The following DYNC2H1 variants were observed in gnomAD, a reference collection of about 807,000 sequenced individuals.
The protein encoded by DYNC2H1 is cytoplasmic dynein 2 heavy chain 1.
In DYNC2H1, 410 loss-of-function variants were observed where a neutral mutation model predicts 570.0. That is an observed-to-expected ratio of 0.72 (90% CI 0.66 to 0.78). The LOEUF (loss-of-function observed/expected upper bound fraction) is 0.78, where lower values mean the gene tolerates loss of function less well. DYNC2H1 is among the 30% of genes least tolerant of loss of function. DYNC2H1 has a pLI of 0.00. For missense variants in DYNC2H1, 4,865 were observed against 5,046.4 expected (o/e 0.96, Z 1.09); for synonymous variants, 1,688 against 1,677.6 (o/e 1.01, Z -0.15).
At chr11:103,400,980 A>C (rs548433867) in intron 84 of DYNC2H1, among the ~76,000 whole-genome samples, 2 of 152,196 alleles carry the variant, frequency 1.3e-5, no homozygotes, top group African/African-American at 2.4e-5. Flanking sequence ...GATTGTAACT[A>C]AGTTGTTTTT....
intron 83 of DYNC2H1, among the ~76,000 whole-genome samples, chr11:103,394,747 C>T (rs1020861869): frequency 6.6e-5 from 10 of 151,946 alleles, no homozygotes; most frequent in African/African-American, 2.2e-4. Context: ...AAAGTAATTG[C>T]GATGTGGATA....
chr11:103,479,040 ATC>A lies in DYNC2H1; in HGVS notation c.12766-53_12766-52del, dbSNP rs1181033725. On this transcript the variant is annotated intron_variant, in intron 88 of 88. Coordinates refer to ENST00000375735, the MANE Select transcript of DYNC2H1 (RefSeq NM_001377.3). ...TGTTTGTTTCCTTGGTTATCTAATA[ATC>A]TGTTTCCAAATAGTGTATTGCTTTA... 5 of 1,576,768 alleles carry A rather than the reference ATC, an allele frequency of 3.2e-6. No individual in the cohort carries two copies. The African/African-American group carries it at 5.4e-5, about 17-fold the overall frequency.
intron 82 of DYNC2H1, among the ~76,000 whole-genome samples, chr11:103,345,218 A>C (rs539685261): frequency 8.6e-5 from 13 of 150,524 alleles, no homozygotes; most frequent in Non-Finnish European, 1.5e-4. Context: ...ACAATATTTC[A>C]TTATGTAAAT....
chr11:103,132,755 T>G (rs1859343206), intron 13 of DYNC2H1, among the ~76,000 whole-genome samples: 1 of 151,876 alleles, frequency 6.6e-6, no homozygotes, highest in Non-Finnish European at 1.5e-5. Flanking sequence ...GGAATGGAAG[T>G]TTAGTGCTCC....
chr11:103,459,333 AGG>A (rs1253180172), intron 87 of DYNC2H1, among the ~76,000 whole-genome samples: 19 of 71,938 alleles, frequency 2.6e-4, no homozygotes, highest in East Asian at 1.2e-3. Context: ...AAAAAAAAAA[AGG>A]AAATTCCATT....
chr11:103,122,010 G>T (rs1372729362), intron 10 of DYNC2H1, among the ~76,000 whole-genome samples: 1 of 152,098 alleles, frequency 6.6e-6, no homozygotes, highest in Non-Finnish European at 1.5e-5. Context: ...GTATGTTTAT[G>T]TAACTAAATC....
At chr11:103,454,721 A>G (rs1030174312) in intron 85 of DYNC2H1, among the ~76,000 whole-genome samples, 7 of 152,176 alleles carry the variant, frequency 4.6e-5, no homozygotes, top group Non-Finnish European at 8.8e-5. Flanking sequence ...ATTATTTAAA[A>G]ACACCTTTTA....
rs567626676 is a variant in DYNC2H1 at position 103,235,744 on chromosome 11, C to A, written c.9640C>A (p.Leu3214Ile). The change falls in exon 62 of 89, where the codon CTT becomes ATT. Residue 3214 changes from leucine (L) to isoleucine (I), a missense_variant. This residue lies in a region of DYNC2H1 where 2,401 missense variants were observed against 2,454.6 expected (regional missense o/e 0.98). Transcript: ENST00000375735. ...AQLAAAFITY[L>I]SAAPESLRKT... is the part of the protein sequence containing the mutation. ...ACTTGCTGCTGCATTTATTACATAT[C>A]TTTCTGCTGCTCCTGAATCTCTGAG... 1.6e-5 allele frequency: 25 copies of A among 1,611,786 alleles called. No homozygotes were observed. The South Asian group carries it at 2.1e-4, about 13-fold the overall frequency.
intron 82 of DYNC2H1, among the ~76,000 whole-genome samples, chr11:103,328,002 C>T (rs921851358): frequency 3.9e-5 from 6 of 152,258 alleles, no homozygotes; most frequent in Admixed American, 2.0e-4. Context: ...AGAAGATAGA[C>T]GCCCATGTTG....
At chr11:103,172,373 C>G (rs1200225757) in intron 34 of DYNC2H1, among the ~76,000 whole-genome samples, 38 of 152,062 alleles carry the variant, frequency 2.5e-4, no homozygotes, top group Admixed American at 2.5e-3. Context: ...CTACCAATTC[C>G]TCATTAGGTT....
intron 70 of DYNC2H1, among the ~76,000 whole-genome samples, chr11:103,265,142 G>A (rs1435793184): frequency 1.3e-5 from 2 of 152,180 alleles, no homozygotes; most frequent in East Asian, 1.9e-4. Context: ...GTTCTCACAC[G>A]TAGGTAGGAG....
At chr11:103,234,421 G>C (rs186433528) in intron 61 of DYNC2H1, among the ~76,000 whole-genome samples, 17 of 152,072 alleles carry the variant, frequency 1.1e-4, no homozygotes, top group Admixed American at 9.8e-4. Context: ...TGGGTGGATG[G>C]AAAACTTAGT....
At chr11:103,413,202 C>A (rs1325896070) in intron 84 of DYNC2H1, among the ~76,000 whole-genome samples, 4 of 152,172 alleles carry the variant, frequency 2.6e-5, no homozygotes, top group Non-Finnish European at 5.9e-5. Flanking sequence ...ACTACATCCA[C>A]CATGGATCTT....
In DYNC2H1 at chr11:103,342,345, G is replaced by A. The variant is rs144192525; in HGVS notation, c.12040-15898G>A. ...GGACCAATCAGCACTCTGTAAAATG[G>A]ACCAATCAGCAGGACATGGGCGGGG... On this transcript the variant is annotated intron_variant, in intron 82 of 88. Transcript: ENST00000375735. Among the ~76,000 whole-genome samples, 774 of 152,198 alleles carry A rather than the reference G, an allele frequency of 5.1e-3. 10 individuals carry two copies. The highest frequency in any genetic ancestry group is 0.018 in the African/African-American group (746 of 41,510).
chr11:103,403,420 C>T (rs1942724348), intron 84 of DYNC2H1: 1 of 152,008 alleles, frequency 6.6e-6, no homozygotes, highest in Admixed American at 6.6e-5. Flanking sequence ...CTAGTCGAGG[C>T]ATTCACTGCA....
In DYNC2H1 at chr11:103,163,038, A is replaced by G; in HGVS notation, c.4502A>G (p.Asn1501Ser). The change falls in exon 30 of 89, where the codon AAT (asparagine) becomes AGT (serine). Residue 1501 changes from asparagine to serine, a missense_variant. Around this residue, in one of 5 missense-constraint regions of DYNC2H1, gnomAD observed 1,936 missense variants for 1,962.1 expected, o/e 0.99. Coordinates refer to ENST00000375735, the MANE Select transcript of DYNC2H1 (RefSeq NM_001377.3). This position sits in a 1 kb window ranked among gnomAD's most constrained non-coding sequence, Gnocchi z 4.6. ...CAATTTCTTTTTCAGACATGGTTGA[A>G]TGATTTGGCCTTAGAAATGAAGAAA... is the stretch of plus-strand genomic sequence containing the variant. Reference protein sequence around the residue: ...PLSNNVETWLNDLALEMKKTL... With the variant: ...PLSNNVETWLSDLALEMKKTL... 6.2e-7 allele frequency: 1 copy of G among 1,611,200 alleles called. No homozygotes were observed. The highest frequency in any genetic ancestry group is 1.3e-5 in the African/African-American group (1 of 74,942).
intron 83 of DYNC2H1, among the ~76,000 whole-genome samples, chr11:103,378,206 C>A (rs1261842417): frequency 6.6e-6 from 1 of 152,218 alleles, no homozygotes; most frequent in Non-Finnish European, 1.5e-5. Context: ...TTACCCTACT[C>A]TCTCCCAAAT....
At chr11:103,288,706 AAAAAG>A (rs1438138498) in intron 75 of DYNC2H1, among the ~76,000 whole-genome samples, 102 of 147,628 alleles carry the variant, frequency 6.9e-4, no homozygotes, top group Middle Eastern at 3.5e-3. Context: ...AAAAAAAAAA[AAAAAG>A]AAAAGAAAGT....
At chr11:103,211,446 C>T (rs928480041) in intron 53 of DYNC2H1, among the ~76,000 whole-genome samples, 5 of 151,958 alleles carry the variant, frequency 3.3e-5, no homozygotes, top group African/African-American at 1.2e-4. Flanking sequence ...GTATTTAGCT[C>T]ACTTTTGGAT....
Sources: gnomAD v4.1 joint callset for allele counts (sites outside exome capture counted in the v4.1 genomes callset) on GRCh38, gnomAD v4.1.1 for gene constraint, gnomAD v4.1.1 regional missense constraint, Gnocchi (gnomAD v3.1) non-coding constraint, MANE v1.5 for transcripts, NCBI Gene and HGNC (gene_info 2026-07-23, HGNC 2026-07-21) for gene names.